GNA14: variants seen among roughly 807,000 people sequenced by gnomAD.
GNA14 encodes the protein guanine nucleotide-binding protein subunit alpha-14.
GNA14 carries 50 observed loss-of-function variants against 42.0 expected under a neutral mutation model. The ratio of observed to expected loss-of-function variants is 1.19; its 90% CI spans 0.95 to 1.51. GNA14 has a LOEUF of 1.51. Ranked by LOEUF, GNA14 falls within the 40% of genes most tolerant of loss-of-function variation. The pLI, the probability that GNA14 is intolerant of heterozygous loss-of-function variation, is 0.00. For missense variants in GNA14, 473 were observed against 446.2 expected (o/e 1.06, Z -0.54); for synonymous variants, 173 against 163.1 (o/e 1.06, Z -0.46).
At chr9:77,603,311 C>T (rs1288996499) in intron 1 of GNA14, among the ~76,000 whole-genome samples, 3 of 152,062 alleles carry the variant, frequency 2.0e-5, no homozygotes, top group African/African-American at 7.2e-5. Context: ...ACCCCCCAAC[C>T]ACACATTTTA....
intron 2 of GNA14, among the ~76,000 whole-genome samples, chr9:77,450,624 G>A (rs1835888108): frequency 6.6e-6 from 1 of 151,528 alleles, no homozygotes; most frequent in East Asian, 1.9e-4. Context: ...AACAAGCTCT[G>A]GTGCTGTTAA....
intron 2 of GNA14, among the ~76,000 whole-genome samples, chr9:77,445,933 A>G (rs1358194055): frequency 2.0e-5 from 3 of 152,188 alleles, no homozygotes; most frequent in African/African-American, 7.2e-5. Context: ...TATCACTGAC[A>G]GTCCAACTTA....
intron 2 of GNA14, among the ~76,000 whole-genome samples, chr9:77,442,597 C>T (rs74808093): frequency 0.033 from 4,973 of 152,258 alleles, 105 homozygotes; most frequent in Middle Eastern, 0.048. Flanking sequence ...GAGCAAAAGG[C>T]CCTCATACAC....
intron 2 of GNA14, among the ~76,000 whole-genome samples, chr9:77,474,231 G>C (rs1836379256): frequency 6.6e-6 from 1 of 152,108 alleles, no homozygotes; most frequent in Admixed American, 6.5e-5. Flanking sequence ...CACATAGAAT[G>C]GGAGAAAATG....
At position 77,571,337 on chromosome 9, in the gene GNA14, G is replaced by A. The variant is rs559749576; in HGVS notation, c.125-42084C>T. Among the ~76,000 whole-genome samples the A allele has an allele frequency of 5.3e-5, 8 of 152,306 alleles. No homozygotes were observed. In the East Asian group the frequency reaches 1.4e-3, roughly 26 times the overall value. ...GGGTTGGAGTTAAATTTTGACAGAG[G>A]AAATCTTGAAGATATTTTGGGATAA... On this transcript the variant is annotated intron_variant, in intron 1 of 6. Coordinates refer to ENST00000341700, the MANE Select transcript of GNA14 (RefSeq NM_004297.4).
intron 2 of GNA14, among the ~76,000 whole-genome samples, chr9:77,513,484 A>G (rs1018289305): frequency 6.6e-6 from 1 of 152,258 alleles, no homozygotes; most frequent in African/African-American, 2.4e-5. Context: ...AGTGCCTGAC[A>G]TGGATTCACA....
intron 3 of GNA14, among the ~76,000 whole-genome samples, chr9:77,432,231 G>C (rs1275962614): frequency 6.6e-6 from 1 of 152,116 alleles, no homozygotes; most frequent in African/African-American, 2.4e-5. Context: ...GGTCGGCCCT[G>C]CCCTGTCCCA....
chr9:77,602,519 C>A (rs1336610846), intron 1 of GNA14, among the ~76,000 whole-genome samples: 2 of 151,798 alleles, frequency 1.3e-5, no homozygotes, highest in Non-Finnish European at 2.9e-5. Context: ...TCCCGACCCA[C>A]CCCTGGGAGA....
intron 2 of GNA14, among the ~76,000 whole-genome samples, chr9:77,482,852 C>T (rs1205370123): frequency 6.6e-6 from 1 of 152,190 alleles, no homozygotes; most frequent in East Asian, 1.9e-4. Context: ...TGCATCAGCT[C>T]CTGAGGCTTC....
intron 2 of GNA14, among the ~76,000 whole-genome samples, chr9:77,504,110 G>A (rs1298993451): frequency 2.6e-5 from 4 of 152,082 alleles, no homozygotes; most frequent in African/African-American, 9.7e-5. Context: ...ATTCCAACAG[G>A]CTTTATCGCC....
chr9:77,453,728 C>G (rs17426259), intron 2 of GNA14, among the ~76,000 whole-genome samples: 2,044 of 152,282 alleles, frequency 0.013, 16 homozygotes, highest in Non-Finnish European at 0.02. Context: ...CTGAGCAAAC[C>G]TGAGCAATCA....
chr9:77,545,925 A>C (rs73460065), intron 1 of GNA14, among the ~76,000 whole-genome samples: 2,296 of 152,262 alleles, frequency 0.015, 64 homozygotes, highest in African/African-American at 0.053. Flanking sequence ...GTAAGAGTAA[A>C]TGCTCAAGAA....
intron 2 of GNA14, among the ~76,000 whole-genome samples, chr9:77,446,448 C>G (rs77725368): frequency 6.6e-6 from 1 of 152,180 alleles, no homozygotes; most frequent in Non-Finnish European, 1.5e-5. Context: ...TTCCTGGGCT[C>G]GCGAGTCATG....
intron 1 of GNA14, among the ~76,000 whole-genome samples, chr9:77,639,199 T>C (rs544724920): frequency 6.6e-6 from 1 of 152,224 alleles, no homozygotes; most frequent in Admixed American, 6.5e-5. Context: ...TCAAGAAAGG[T>C]AGGAGGCAGC....
chr9:77,583,662 C>A (rs1005239909), intron 1 of GNA14, among the ~76,000 whole-genome samples: 1 of 152,154 alleles, frequency 6.6e-6, no homozygotes, highest in South Asian at 2.1e-4. Context: ...TCCAAGCTTT[C>A]AGCCCTCTAA....
intron 5 of GNA14, among the ~76,000 whole-genome samples, chr9:77,428,064 A>AT (rs1835479589): frequency 2.2e-5 from 3 of 139,180 alleles, no homozygotes; most frequent in African/African-American, 8.3e-5. Context: ...AAGAGATGGC[A>AT]TTTTTTCTTT....
chr9:77,644,437 C>CAAAAAAAAAAAAAA lies in GNA14; in HGVS notation c.124+3219_124+3232dup, dbSNP rs764737417. Among the ~76,000 whole-genome samples the CAAAAAAAAAAAAAA allele has an allele frequency of 3.6e-3, 124 of 34,022 alleles. 15 individuals carry two copies. The highest frequency in any genetic ancestry group is 0.012 in the South Asian group (7 of 576). 22.3% of individuals were successfully genotyped at this position (34,022 alleles called of 152,430 possible). A position where few individuals can be genotyped will look rare whatever the true frequency, so the allele number is the denominator to read the frequency against. Reference sequence around the variant, plus strand: ...TACTGAACTCCAACCTAAAGAGTGTCAAAAAAAAAAAAAAAAAAAAAAAAA... The same window carrying CAAAAAAAAAAAAAA: ...TACTGAACTCCAACCTAAAGAGTGTCAAAAAAAAAAAAAAAAAAAAAAAAAAAAAAAAAAAAAAA... On this transcript the variant is annotated intron_variant, in intron 1 of 6. Coordinates refer to ENST00000341700, the MANE Select transcript of GNA14 (RefSeq NM_004297.4).
At chr9:77,511,087 TAC>T (rs1315983785) in intron 2 of GNA14, among the ~76,000 whole-genome samples, 8 of 151,698 alleles carry the variant, frequency 5.3e-5, no homozygotes, top group African/African-American at 1.9e-4. Context: ...TTTTTTTTAA[TAC>T]AGAGGGGAGT....
chr9:77,431,484 T>C, intron 3 of GNA14, 35 bp from the exon 4 acceptor site: 2 of 1,577,394 alleles, frequency 1.3e-6, no homozygotes, highest in Non-Finnish European at 1.7e-6. Context: ...GACTCTCCTT[T>C]TAGAGCAGGG....
Sources: gnomAD v4.1 joint callset for allele counts (sites outside exome capture counted in the v4.1 genomes callset) on GRCh38, gnomAD v4.1.1 for gene constraint, MANE v1.5 for transcripts, NCBI Gene and HGNC (gene_info 2026-07-23, HGNC 2026-07-21) for gene names.